PKD1L1: variants seen among roughly 807,000 people sequenced by gnomAD.
The protein encoded by PKD1L1 is polycystin 1 like 1, transient receptor potential channel interacting.
A neutral mutation model predicts 323.4 loss-of-function variants in PKD1L1; 236 were observed. The observed-to-expected ratio is 0.73, with a 90% CI of 0.66 to 0.81. The LOEUF is 0.81. Ranked by LOEUF, PKD1L1 falls within the 40% of genes least tolerant of loss-of-function variation. The pLI is 0.00. For missense variants in PKD1L1, 3,320 were observed against 3,508.0 expected (o/e 0.95, Z 1.35); for synonymous variants, 1,344 against 1,335.0 (o/e 1.01, Z -0.15).
chr7:47,912,043 A>G (rs545427466), intron 8 of PKD1L1, among the ~76,000 whole-genome samples: 1 of 152,286 alleles, frequency 6.6e-6, no homozygotes, highest in East Asian at 1.9e-4. Context: ...ACAAGATACT[A>G]TAAGAGTCAA....
intron 11 of PKD1L1, 150 bp downstream of exon 11, chr7:47,905,007 G>A: frequency 1.2e-6 from 1 of 831,578 alleles, no homozygotes; most frequent in Non-Finnish European, 1.9e-6. Context: ...TAAATCTTAT[G>A]TTGAGTTTGC....
At chr7:47,783,727 C>T (rs1786746981) in intron 56 of PKD1L1, among the ~76,000 whole-genome samples, 1 of 152,208 alleles carries the variant, frequency 6.6e-6, no homozygotes, top group Non-Finnish European at 1.5e-5. Flanking sequence ...TCACCAGGGC[C>T]TTCAGAGGGA....
At chr7:47,916,493 A>G (rs1787431259) in intron 7 of PKD1L1, among the ~76,000 whole-genome samples, 1 of 152,174 alleles carries the variant, frequency 6.6e-6, no homozygotes, top group African/African-American at 2.4e-5. Context: ...CGCATAGTCA[A>G]TTTTTGCTCC....
chr7:47,850,584 A>T (rs182211602), intron 31 of PKD1L1, among the ~76,000 whole-genome samples: 645 of 145,852 alleles, frequency 4.4e-3, no homozygotes, highest in Non-Finnish European at 8.1e-3. Flanking sequence ...GTGAGCCGAG[A>T]TCACACCATT....
At chr7:47,861,837 C>A (rs1786032877) in intron 26 of PKD1L1, among the ~76,000 whole-genome samples, 1 of 142,616 alleles carries the variant, frequency 7.0e-6, no homozygotes, top group Non-Finnish European at 1.5e-5. Flanking sequence ...GCCAAGCTTG[C>A]CCCACTACAC....
chr7:47,922,874 T>C (rs986455561), intron 7 of PKD1L1, among the ~76,000 whole-genome samples: 1 of 152,198 alleles, frequency 6.6e-6, no homozygotes, highest in Non-Finnish European at 1.5e-5. Flanking sequence ...ATGATGACGA[T>C]GGCGGTTTTG....
At position 47,834,417 on chromosome 7, in the gene PKD1L1, A is replaced by T. The variant is rs764197359; in HGVS notation, c.6128-32T>A. ...CAAAAAAATAAAAATCCAATGTACG[A>T]TGCTTTGGGGTGATACATTTAAACA... On this transcript the variant is annotated intron_variant, in intron 39 of 56. Transcript: ENST00000289672. 6 of 1,585,282 alleles carry T rather than the reference A, an allele frequency of 3.8e-6. No individual in the cohort carries two copies. The South Asian group carries it at 6.7e-5, about 18-fold the overall frequency.
chr7:47,916,587 G>C (rs1197706157), intron 7 of PKD1L1, among the ~76,000 whole-genome samples: 1 of 152,160 alleles, frequency 6.6e-6, no homozygotes, highest in East Asian at 1.9e-4. Flanking sequence ...CAGGACCCAG[G>C]AGACACCCCA....
chr7:47,905,449 T>C (rs1239069663), intron 10 of PKD1L1, 124 bp from the exon 11 acceptor site: 4 of 1,089,728 alleles, frequency 3.7e-6, no homozygotes, highest in African/African-American at 1.6e-5. Context: ...AGCTCTGATA[T>C]GCATGCAGAT....
At chr7:47,876,313 A>C in intron 22 of PKD1L1, 96 bp from the exon 23 acceptor site, 1 of 1,406,040 alleles carries the variant, frequency 7.1e-7, no homozygotes, top group Non-Finnish European at 9.8e-7. Flanking sequence ...TCATTGTACC[A>C]AGGACATTCT....
chr7:47,855,448 A>C (rs898562065), intron 28 of PKD1L1, among the ~76,000 whole-genome samples, 183 bp from the exon 29 acceptor site: 1 of 152,240 alleles, frequency 6.6e-6, no homozygotes, highest in Non-Finnish European at 1.5e-5. Context: ...ATTGGAGTGA[A>C]TATTATGCTT....
At chr7:47,776,700 G>C (rs1786576119) in intron 56 of PKD1L1, among the ~76,000 whole-genome samples, 1 of 152,152 alleles carries the variant, frequency 6.6e-6, no homozygotes, top group Non-Finnish European at 1.5e-5. Flanking sequence ...GGAATGCTGT[G>C]ATAAACATAG....
At chr7:47,895,258 C>G (rs1001441724) in intron 14 of PKD1L1, among the ~76,000 whole-genome samples, 9 of 152,186 alleles carry the variant, frequency 5.9e-5, no homozygotes, top group African/African-American at 2.2e-4. Flanking sequence ...AAGACACAGA[C>G]CCCCTGTGAA....
intron 23 of PKD1L1, among the ~76,000 whole-genome samples, chr7:47,875,531 T>C (rs1004379713): frequency 1.3e-5 from 2 of 152,196 alleles, no homozygotes; most frequent in African/African-American, 4.8e-5. Context: ...TTTGCACATG[T>C]CAAGATACCT....
In PKD1L1 at chr7:47,813,313, T is replaced by G. The variant is rs1784942932; in HGVS notation, c.7174-20A>C. ...GGGAGGCTGCAGAACAAACCAGCAG[T>G]CAGAAGACACAGATACTATTCCCAA... On this transcript the variant is annotated intron_variant, in intron 48 of 56. Coordinates refer to ENST00000289672, the MANE Select transcript of PKD1L1 (RefSeq NM_138295.5). 1 of 1,613,246 alleles carries G rather than the reference T, an allele frequency of 6.2e-7. No homozygotes were observed. Among genetic ancestry groups the G allele is most frequent in the Non-Finnish European group, 8.5e-7 (1 of 1,179,684 alleles).
rs192543302 is a variant in PKD1L1, at chr7:47,826,815, A to G, written c.6854+535T>C. 4.3e-4 allele frequency among the ~76,000 whole-genome samples: 66 copies of G among 152,356 alleles called. No individual in the cohort carries two copies. In the East Asian group the frequency reaches 0.013, roughly 29 times the overall value. On this transcript the variant is annotated intron_variant, in intron 45 of 56. Transcript: ENST00000289672. ...AGTTCTTAAGGTTTGTGTTTTATCT[A>G]AAAGAATTCAAAATATTTTATGAGA...
At chr7:47,863,225 G>A (rs769555492) in intron 26 of PKD1L1, among the ~76,000 whole-genome samples, 3 of 152,178 alleles carry the variant, frequency 2.0e-5, no homozygotes, top group Non-Finnish European at 2.9e-5. Flanking sequence ...GAAGAAAGTA[G>A]GAGGAACACG....
At chr7:47,937,080 T>C (rs1787882386) in intron 3 of PKD1L1, 122 bp from the exon 4 acceptor site, 1 of 723,446 alleles carries the variant, frequency 1.4e-6, no homozygotes, top group East Asian at 2.7e-5. Flanking sequence ...CCCAGCACTG[T>C]GCTGGGCACC....
intron 31 of PKD1L1, among the ~76,000 whole-genome samples, chr7:47,849,925 A>C (rs899625291): frequency 6.6e-6 from 1 of 152,210 alleles, no homozygotes; most frequent in Non-Finnish European, 1.5e-5. Flanking sequence ...AGGAATGGAA[A>C]ACCAAATATT....
Sources: gnomAD v4.1 joint callset for allele counts (sites outside exome capture counted in the v4.1 genomes callset) on GRCh38, gnomAD v4.1.1 for gene constraint, MANE v1.5 for transcripts, NCBI Gene and HGNC (gene_info 2026-07-23, HGNC 2026-07-21) for gene names.